CDC40: variants seen among roughly 807,000 people sequenced by gnomAD.
CDC40 encodes pre-mRNA-processing factor 17.
Under a neutral mutation model 80.6 loss-of-function variants are expected in CDC40, and 27 were observed. The observed-to-expected ratio is 0.33, with a 90% CI of 0.25 to 0.46. The LOEUF (loss-of-function observed/expected upper bound fraction) is 0.46. CDC40 is among the 20% of genes least tolerant of loss of function. The pLI is 1.00. For synonymous variants in CDC40, 221 were observed against 232.6 expected, an observed-to-expected ratio of 0.95 and a Z score of 0.45; for missense variants, 486 against 694.1, an observed-to-expected ratio of 0.70 and a Z score of 3.37.
chr6:110,189,834 T>C (rs934516833), intron 1 of CDC40, among the ~76,000 whole-genome samples: 3 of 152,230 alleles, frequency 2.0e-5, no homozygotes, highest in Non-Finnish European at 4.4e-5. Flanking sequence ...ATATTTTCAG[T>C]ACAGATTTAT....
Position 110,229,945 on chromosome 6 carries a change from C to T in CDC40, c.1563-9C>T. 2 of 1,567,630 alleles carry T rather than the reference C, an allele frequency of 1.3e-6. No individual in the cohort carries two copies. Among genetic ancestry groups the T allele is most frequent in the South Asian group, 1.1e-5 (1 of 89,316 alleles). On this transcript the variant is annotated splice_polypyrimidine_tract_variant and intron_variant, in intron 14 of 14. Transcript: ENST00000307731. ...TAATAATTTGAATTTATCTTTCTTC[C>T]CATTATAGTTATGTGATTTCAGGAG... is the stretch of plus-strand genomic sequence containing the variant.
At chr6:110,190,954 C>T (rs954599892) in intron 1 of CDC40, among the ~76,000 whole-genome samples, 7 of 152,162 alleles carry the variant, frequency 4.6e-5, no homozygotes, top group South Asian at 2.1e-4. Context: ...ACATTGTCAT[C>T]GTTAGGTGTG....
At position 110,193,272 on chromosome 6, in the gene CDC40, A is replaced by C; in HGVS notation, c.276+4A>C. The C allele has an allele frequency of 2.6e-6, 4 of 1,524,822 alleles. No individual in the cohort carries two copies. In the South Asian group the frequency reaches 3.4e-5, roughly 13 times the overall value. 94.5% of individuals were successfully genotyped at this position (1,524,822 alleles called of 1,614,324 possible). A position where few individuals can be genotyped will look rare whatever the true frequency, so the allele number is the denominator to read the frequency against. On this transcript the variant is annotated splice_donor_region_variant and intron_variant, in intron 2 of 14. Transcript: ENST00000307731. ...TGAGACCATGTTTGCTCCTGAGGTA[A>C]GAAAACATACTTAAGGTTCTGACTT... is the stretch of plus-strand genomic sequence containing the variant.
chr6:110,217,340 T>C (rs1777713586), intron 9 of CDC40, among the ~76,000 whole-genome samples: 1 of 152,228 alleles, frequency 6.6e-6, no homozygotes, highest in Admixed American at 6.5e-5. Flanking sequence ...CTGGCAATAA[T>C]TGGTCTTTTA....
intron 13 of CDC40, among the ~76,000 whole-genome samples, chr6:110,227,709 ACAC>A (rs1031627383): frequency 4.6e-5 from 7 of 152,254 alleles, no homozygotes; most frequent in Admixed American, 3.9e-4. Flanking sequence ...ATTAAAAACA[ACAC>A]AGCATAACAA....
In CDC40 at chr6:110,231,162, G is replaced by A. The variant is rs1584088589; in HGVS notation, c.*1031G>A. 6.6e-6 allele frequency: 1 copy of A among 152,156 alleles called. No homozygotes were observed. The highest frequency in any genetic ancestry group is 2.4e-5 in the African/African-American group (1 of 41,432). 9.4% of individuals were successfully genotyped at this position (152,156 alleles called of 1,614,324 possible). On this transcript the variant is annotated 3_prime_UTR_variant, in exon 15 of 15. Coordinates refer to ENST00000307731, the MANE Select transcript of CDC40 (RefSeq NM_015891.3). ...TGGCTAGGGTTCCCCAGTTTGAGAA[G>A]CAGTGGCCATGGTGAAAAATAGTTT... is the stretch of plus-strand genomic sequence containing the variant.
chr6:110,189,135 A>G (rs1246057730), intron 1 of CDC40, among the ~76,000 whole-genome samples: 1 of 152,114 alleles, frequency 6.6e-6, no homozygotes, highest in African/African-American at 2.4e-5. Flanking sequence ...CATTTATTCT[A>G]TTAGTAGCTT....
In CDC40 at chr6:110,206,209, C is replaced by G. The variant is rs151246942; in HGVS notation, c.407-1297C>G. 7.2e-4 allele frequency among the ~76,000 whole-genome samples: 109 copies of G among 152,288 alleles called. 2 individuals are homozygous for G. The East Asian group carries it at 0.019, about 27-fold the overall frequency. Reference sequence around the variant, plus strand: ...CTGGAGTGCAGTGGCGCGATCTCAGCTCACTGCAAGCTACACCTCCCCGGT... The same window carrying G: ...CTGGAGTGCAGTGGCGCGATCTCAGGTCACTGCAAGCTACACCTCCCCGGT... On this transcript the variant is annotated intron_variant, in intron 3 of 14. Coordinates refer to ENST00000307731, the MANE Select transcript of CDC40 (RefSeq NM_015891.3).
rs2114676764 is a variant in CDC40, at chr6:110,230,334, G to C, written c.*203G>C. The C allele has an allele frequency of 2.1e-6, 1 of 473,528 alleles. No individual in the cohort carries two copies. The highest frequency in any genetic ancestry group is 4.0e-5 in the East Asian group (1 of 25,128). The allele number at this position is 473,528 out of a possible 1,614,324, so 29.3% of individuals were successfully genotyped here. On this transcript the variant is annotated 3_prime_UTR_variant, in exon 15 of 15. Coordinates refer to ENST00000307731, the MANE Select transcript of CDC40 (RefSeq NM_015891.3). ...TTTATAAATGTTATTTATACAGAAAGTGGCTATTGACTTTCTATTTGACAA... is the reference window on the plus strand; with the variant it reads ...TTTATAAATGTTATTTATACAGAAACTGGCTATTGACTTTCTATTTGACAA...
chr6:110,195,626 G>A (rs931910676), intron 2 of CDC40, among the ~76,000 whole-genome samples: 7 of 152,070 alleles, frequency 4.6e-5, no homozygotes, highest in African/African-American at 1.7e-4. Flanking sequence ...AAATCCTTCC[G>A]GCACAGAGTA....
At chr6:110,218,878 A>G (rs192723685) in intron 10 of CDC40, among the ~76,000 whole-genome samples, 277 of 149,686 alleles carry the variant, frequency 1.9e-3, no homozygotes, top group African/African-American at 6.3e-3. Flanking sequence ...CACAAAGATC[A>G]AGATCTAGAA....
At chr6:110,190,172 A>G (rs1284044863) in intron 1 of CDC40, among the ~76,000 whole-genome samples, 1 of 152,204 alleles carries the variant, frequency 6.6e-6, no homozygotes, top group Non-Finnish European at 1.5e-5. Context: ...TAGGACCACA[A>G]ACAAAAACCC....
intron 1 of CDC40, among the ~76,000 whole-genome samples, chr6:110,185,241 CTTTTTTTTTT>C (rs1227694611): frequency 8.1e-6 from 1 of 124,032 alleles, no homozygotes; most frequent in African/African-American, 3.2e-5. Context: ...ATCTTTTTTT[CTTTTTTTTTT>C]TTTTTTTTGG....
chr6:110,210,591 C>A, intron 5 of CDC40, 116 bp from the exon 6 acceptor site: 1 of 364,490 alleles, frequency 2.7e-6, no homozygotes, highest in Non-Finnish European at 5.0e-6. Flanking sequence ...GCTTGTTATC[C>A]TGGGAACATA....
chr6:110,193,106 G>A, intron 1 of CDC40, 76 bp from the exon 2 acceptor site: 1 of 834,502 alleles, frequency 1.2e-6, no homozygotes. Context: ...AAGATGGCTA[G>A]TGTGACTTTA....
At chr6:110,187,171 G>A (rs1413736128) in intron 1 of CDC40, among the ~76,000 whole-genome samples, 1 of 152,044 alleles carries the variant, frequency 6.6e-6, no homozygotes, top group Non-Finnish European at 1.5e-5. Flanking sequence ...GTAGAGACGG[G>A]GTTTCACCAT....
chr6:110,185,465 AT>A lies in CDC40; in HGVS notation c.189+4833del, dbSNP rs561055287. ...CACCGTTTTAGCCGGGATGGTCTCG[AT>A]CTCCTGACCTCGTGATCCGCCCGCC... On this transcript the variant is annotated intron_variant, in intron 1 of 14. Coordinates refer to ENST00000307731, the MANE Select transcript of CDC40 (RefSeq NM_015891.3). Among the ~76,000 whole-genome samples, 187 of 151,510 alleles carry A rather than the reference AT, an allele frequency of 1.2e-3. 1 individual carries two copies. The highest frequency in any genetic ancestry group is 4.2e-3 in the African/African-American group (173 of 41,226).
chr6:110,212,295 T>C, intron 7 of CDC40, 23 bp downstream of exon 7: 1 of 1,611,838 alleles, frequency 6.2e-7, no homozygotes, highest in Non-Finnish European at 8.5e-7. Flanking sequence ...GTTGTTTCTG[T>C]TTGCTGTAAT....
chr6:110,230,067 A>G lies in CDC40; in HGVS notation c.1676A>G (p.His559Arg), dbSNP rs1777915899. The G allele has an allele frequency of 6.2e-7, 1 of 1,612,584 alleles. No homozygotes were observed. The highest frequency in any genetic ancestry group is 8.5e-7 in the Non-Finnish European group (1 of 1,178,686). ...AAAGTGTGTATAGGTGCAGTGTGGC[A>G]TCCTCATGAAACTTCTAAGGTCATA... ...HDKVCIGAVW[H>R]PHETSKVITC... Residue 559 changes from histidine to arginine, a missense_variant, in exon 15 of 15, where the codon CAT becomes CGT. By Grantham distance (29) the His-to-Arg change is conservative (BLOSUM62 0). Transcript: ENST00000307731.
Sources: gnomAD v4.1 joint callset for allele counts (sites outside exome capture counted in the v4.1 genomes callset) on GRCh38, gnomAD v4.1.1 for gene constraint, MANE v1.5 for transcripts, NCBI Gene and HGNC (gene_info 2026-07-23, HGNC 2026-07-21) for gene names.